The following HIVEP3 variants were observed in gnomAD, a reference collection of about 807,000 sequenced individuals.
HIVEP3 encodes the protein HIVEP zinc finger 3.
A neutral mutation model predicts 152.8 loss-of-function variants in HIVEP3; 49 were observed. That is an observed-to-expected ratio of 0.32 (90% CI 0.26 to 0.41). The LOEUF is 0.41. Ranked by LOEUF, HIVEP3 falls within the 10% of genes least tolerant of loss-of-function variation. The pLI, the probability that HIVEP3 is intolerant of heterozygous loss-of-function variation, is 1.00. For missense variants in HIVEP3, 2,790 were observed against 3,103.3 expected (o/e 0.90, Z 2.40); for synonymous variants, 1,269 against 1,289.0 (o/e 0.98, Z 0.33).
At chr1:41,844,913 G>A (rs1643393395) in intron 1 of HIVEP3, among the ~76,000 whole-genome samples, 1 of 152,202 alleles carries the variant, frequency 6.6e-6, no homozygotes, top group South Asian at 2.1e-4. Context: ...AGGCCAGCCA[G>A]GGGCAGAGGT....
At chr1:41,995,322 G>A (rs1011909208) in intron 1 of HIVEP3, among the ~76,000 whole-genome samples, 1 of 152,166 alleles carries the variant, frequency 6.6e-6, no homozygotes, top group African/African-American at 2.4e-5. Flanking sequence ...TGTCTTCCCA[G>A]CAGAAACAGT....
chr1:41,617,967 T>C (rs1453688542), intron 3 of HIVEP3, among the ~76,000 whole-genome samples: 1 of 152,130 alleles, frequency 6.6e-6, no homozygotes, highest in African/African-American at 2.4e-5. Context: ...GTGGCAGCAT[T>C]TCCCTAAGCT....
intron 1 of HIVEP3, among the ~76,000 whole-genome samples, chr1:41,869,361 C>T (rs887111134): frequency 8.5e-5 from 13 of 152,302 alleles, no homozygotes; most frequent in African/African-American, 3.1e-4. Context: ...GACTGCCTTC[C>T]TTTCCCCAAG....
At chr1:42,012,977 CT>C (rs1343644503) in intron 1 of HIVEP3, among the ~76,000 whole-genome samples, 1 of 152,150 alleles carries the variant, frequency 6.6e-6, no homozygotes, top group Non-Finnish European at 1.5e-5. Flanking sequence ...AACTTTATGC[CT>C]TGTGTATTAG....
chr1:41,676,265 T>C (rs930595866), intron 2 of HIVEP3, among the ~76,000 whole-genome samples: 5 of 152,194 alleles, frequency 3.3e-5, no homozygotes, highest in African/African-American at 1.2e-4. Flanking sequence ...GTGGCCAGGC[T>C]GGTCTTGAAC....
chr1:41,543,265 A>C (rs1283457575), intron 5 of HIVEP3: 2 of 152,172 alleles, frequency 1.3e-5, no homozygotes, highest in African/African-American at 4.8e-5. Context: ...CCTTCAGTTC[A>C]AAGTACTTAA....
chr1:41,754,440 G>A (rs1647227119), intron 1 of HIVEP3, among the ~76,000 whole-genome samples: 1 of 152,206 alleles, frequency 6.6e-6, no homozygotes, highest in African/African-American at 2.4e-5. Flanking sequence ...GTGAGCCAAG[G>A]TAATGGCAAT....
At chr1:41,913,458 G>A (rs1366294018) in intron 1 of HIVEP3, among the ~76,000 whole-genome samples, 2 of 152,202 alleles carry the variant, frequency 1.3e-5, no homozygotes, top group African/African-American at 4.8e-5. Flanking sequence ...GTACAGTGAT[G>A]TGATCATAGC....
In HIVEP3 at chr1:41,511,729, C is replaced by T. The variant is rs535649564; in HGVS notation, c.6406-463G>A. 9.8e-5 allele frequency among the ~76,000 whole-genome samples: 15 copies of T among 152,296 alleles called. No individual in the cohort carries two copies. The highest frequency in any genetic ancestry group is 1.2e-4 in the Non-Finnish European group (8 of 68,030). ...TGAATGTGAACCCAAAATTAAAAAT[C>T]AAGGAAAGATTCCTAGATCAGTGTT... On this transcript the variant is annotated intron_variant, in intron 8 of 8. Transcript: ENST00000372583. This position sits in a 1 kb window ranked among gnomAD's most constrained non-coding sequence, Gnocchi z 4.9.
At position 41,689,990 on chromosome 1, in the gene HIVEP3, T is replaced by C. The variant is rs533504741; in HGVS notation, c.-721+10926A>G. On this transcript the variant is annotated intron_variant, in intron 2 of 8. Coordinates refer to ENST00000372583, the MANE Select transcript of HIVEP3 (RefSeq NM_024503.5). The stretch of plus-strand genomic sequence containing the variant: ...GGCCTTGGCAGCCTTCAACAACTAC[T>C]TTGCCACAATCCCGTGTGCCTAGGT... Among the ~76,000 whole-genome samples, 7 of 152,368 alleles carry C rather than the reference T, an allele frequency of 4.6e-5. No individual in the cohort carries two copies. The South Asian group carries it at 8.3e-4, about 18-fold the overall frequency.
chr1:41,515,369 C>G (rs1185609080), intron 7 of HIVEP3, among the ~76,000 whole-genome samples: 2 of 152,150 alleles, frequency 1.3e-5, no homozygotes, highest in Non-Finnish European at 2.9e-5. Flanking sequence ...GGCTGGCAGG[C>G]AAAAGGAGGC....
intron 1 of HIVEP3, among the ~76,000 whole-genome samples, chr1:41,768,264 G>C (rs1419429605): frequency 6.6e-6 from 1 of 152,224 alleles, no homozygotes; most frequent in Non-Finnish European, 1.5e-5. Context: ...GATGACAGCG[G>C]ACAAGGAGAG....
chr1:41,963,540 G>C (rs537194557), intron 1 of HIVEP3, among the ~76,000 whole-genome samples: 6 of 151,358 alleles, frequency 4.0e-5, no homozygotes, highest in Admixed American at 2.0e-4. Context: ...AGCGGCGAGG[G>C]GGGAGGGAAA....
chr1:41,687,688 G>C (rs1646134646), intron 2 of HIVEP3, among the ~76,000 whole-genome samples: 1 of 152,238 alleles, frequency 6.6e-6, no homozygotes, highest in Non-Finnish European at 1.5e-5. Flanking sequence ...ATCTGAGAAA[G>C]CTCAGTGCAG....
intron 1 of HIVEP3, among the ~76,000 whole-genome samples, chr1:41,807,965 C>T (rs1650733615): frequency 6.6e-6 from 1 of 152,130 alleles, no homozygotes; most frequent in African/African-American, 2.4e-5. Context: ...TGCTGACTTT[C>T]CTTATAACTT....
Position 41,580,155 on chromosome 1 carries a change from G to C in HIVEP3, c.4643C>G (p.Pro1548Arg). 6.2e-7 allele frequency: 1 copy of C among 1,613,724 alleles called. No individual in the cohort carries two copies. Among genetic ancestry groups the C allele is most frequent in the Non-Finnish European group, 8.5e-7 (1 of 1,179,776 alleles). The change falls in exon 4 of 9, where the codon CCA becomes CGA. Residue 1548 changes from proline (P) to arginine (R), a missense_variant. Coordinates refer to ENST00000372583, the MANE Select transcript of HIVEP3 (RefSeq NM_024503.5). ...SGKPHRRGLT[P>R]LSVKKEDSKE... ...GGAATCTTCTTTCTTCACGCTCAGT[G>C]GGGTCAACCCTCTTCGGTGAGGTTT... is the stretch of plus-strand genomic sequence containing the variant.
chr1:41,801,561 A>G (rs1650302078), intron 1 of HIVEP3, among the ~76,000 whole-genome samples: 1 of 152,106 alleles, frequency 6.6e-6, no homozygotes, highest in Non-Finnish European at 1.5e-5. Flanking sequence ...GTGAAAATAG[A>G]TATCAGTTCT....
chr1:41,961,837 C>T (rs921043226), intron 1 of HIVEP3, among the ~76,000 whole-genome samples: 6 of 152,202 alleles, frequency 3.9e-5, no homozygotes, highest in African/African-American at 4.8e-5. Context: ...ATCTCTATCC[C>T]GGAAAATAAT....
At chr1:41,696,455 C>T (rs998269703) in intron 2 of HIVEP3, among the ~76,000 whole-genome samples, 17 of 152,254 alleles carry the variant, frequency 1.1e-4, no homozygotes, top group South Asian at 6.2e-4. Context: ...CTTCCTGCAC[C>T]GTTGGCAGCT....
Sources: gnomAD v4.1 joint callset for allele counts (sites outside exome capture counted in the v4.1 genomes callset) on GRCh38, gnomAD v4.1.1 for gene constraint, Gnocchi (gnomAD v3.1) non-coding constraint, MANE v1.5 for transcripts, NCBI Gene and HGNC (gene_info 2026-07-23, HGNC 2026-07-21) for gene names.